The following AFG2A variants were observed in gnomAD, a reference collection of about 807,000 sequenced individuals.
The protein encoded by AFG2A is AAA ATPase AFG2A.
chr4:123,291,748 C>T, the AFG2A span, among the ~76,000 whole-genome samples: 1 of 152,142 alleles, frequency 6.6e-6, no homozygotes, highest in African/African-American at 2.4e-5. Flanking sequence ...ACAGGTTTTC[C>T]TTTATCTTTC....
chr4:123,127,984 A>T, the AFG2A span, among the ~76,000 whole-genome samples: 2 of 152,162 alleles, frequency 1.3e-5, no homozygotes, highest in African/African-American at 4.8e-5. Context: ...AGTGTTTAAC[A>T]TATACTGATG....
chr4:123,270,012 T>A, the AFG2A span, among the ~76,000 whole-genome samples: 1 of 152,168 alleles, frequency 6.6e-6, no homozygotes, highest in African/African-American at 2.4e-5. Context: ...AGATGTGGTT[T>A]CACCATGTTG....
the AFG2A span, among the ~76,000 whole-genome samples, chr4:123,055,520 AG>A: frequency 6.6e-6 from 1 of 152,218 alleles, no homozygotes; most frequent in Admixed American, 6.5e-5. Context: ...ACATTCTGCT[AG>A]GGTTTGCCTT....
At chr4:123,046,906 C>T in the AFG2A span, among the ~76,000 whole-genome samples, 1 of 152,124 alleles carries the variant, frequency 6.6e-6, no homozygotes, top group Non-Finnish European at 1.5e-5. Context: ...CTTTTCTGTG[C>T]CTAGCTTATT....
At chr4:123,225,450 C>G in the AFG2A span, among the ~76,000 whole-genome samples, 3 of 152,126 alleles carry the variant, frequency 2.0e-5, no homozygotes, top group African/African-American at 7.2e-5. Flanking sequence ...TTTCCCAGCA[C>G]CATTTATTAA....
chr4:123,143,852 T>A, the AFG2A span, among the ~76,000 whole-genome samples: 1 of 149,608 alleles, frequency 6.7e-6, no homozygotes, highest in East Asian at 2.0e-4. Context: ...TTTTTTCCTT[T>A]AACCTGAAAG....
chr4:123,013,561 A>G, the AFG2A span, among the ~76,000 whole-genome samples: 1 of 152,222 alleles, frequency 6.6e-6, no homozygotes, highest in Non-Finnish European at 1.5e-5. Flanking sequence ...ACACATGGAC[A>G]CAGGGAGGGA....
chr4:123,099,240 T>C, the AFG2A span, among the ~76,000 whole-genome samples: 1 of 151,944 alleles, frequency 6.6e-6, no homozygotes, highest in Non-Finnish European at 1.5e-5. Flanking sequence ...TAAATTTTGG[T>C]ATTTTAGATT....
the AFG2A span, among the ~76,000 whole-genome samples, chr4:123,105,930 C>CA: frequency 6.6e-6 from 1 of 152,220 alleles, no homozygotes; most frequent in South Asian, 2.1e-4. Context: ...GTTGTTAAAA[C>CA]AGCAGGGTTT....
chr4:123,266,756 A>G, the AFG2A span, among the ~76,000 whole-genome samples: 1 of 151,940 alleles, frequency 6.6e-6, no homozygotes, highest in South Asian at 2.1e-4. Context: ...CCTGTGTAAT[A>G]TCCCTATTTC....
chr4:123,210,710 G>A, the AFG2A span, among the ~76,000 whole-genome samples: 1 of 152,104 alleles, frequency 6.6e-6, no homozygotes, highest in Non-Finnish European at 1.5e-5. Context: ...ATACCCAGCA[G>A]TGGGTTTGCT....
At chr4:123,185,220 G>T in the AFG2A span, among the ~76,000 whole-genome samples, 7 of 151,920 alleles carry the variant, frequency 4.6e-5, no homozygotes, top group Admixed American at 4.6e-4. Flanking sequence ...CTGAGTTGGT[G>T]CTGTACCTGT....
chr4:123,204,460 A>T, the AFG2A span, among the ~76,000 whole-genome samples: 47 of 152,292 alleles, frequency 3.1e-4, no homozygotes, highest in Middle Eastern at 3.4e-3. Context: ...ATGGTTAATG[A>T]TGTTGAACTT....
chr4:122,994,822 A>C, the AFG2A span, among the ~76,000 whole-genome samples: 1 of 152,190 alleles, frequency 6.6e-6, no homozygotes, highest in Non-Finnish European at 1.5e-5. Context: ...AATTGAGTGT[A>C]TACCACATAT....
At chr4:123,217,378 C>A in the AFG2A span, among the ~76,000 whole-genome samples, 9 of 152,132 alleles carry the variant, frequency 5.9e-5, no homozygotes, top group Non-Finnish European at 1.0e-4. Flanking sequence ...GCATGATGAT[C>A]TAAAGGAGTA....
chr4:122,970,813 A>G, the AFG2A span, among the ~76,000 whole-genome samples: 1 of 151,750 alleles, frequency 6.6e-6, no homozygotes, highest in Non-Finnish European at 1.5e-5. Flanking sequence ...TAAGCAACGC[A>G]TGTCTGTATC....
chr4:123,053,572 G>A, the AFG2A span, among the ~76,000 whole-genome samples: 1 of 152,156 alleles, frequency 6.6e-6, no homozygotes, highest in Non-Finnish European at 1.5e-5. Flanking sequence ...GTAACAGGGG[G>A]GTCTGGTACT....
At chr4:122,948,019 A>G in the AFG2A span, among the ~76,000 whole-genome samples, 5 of 152,142 alleles carry the variant, frequency 3.3e-5, no homozygotes, top group South Asian at 2.1e-4. Flanking sequence ...CATATAATGC[A>G]TATAAAAAAT....
the AFG2A span, among the ~76,000 whole-genome samples, chr4:123,274,213 G>T: frequency 6.6e-6 from 1 of 152,016 alleles, no homozygotes; most frequent in Non-Finnish European, 1.5e-5. Flanking sequence ...TGGCTTTGTA[G>T]TTCAGTGTTA....
Sources: allele counts gnomAD v4.1 joint callset (sites outside exome capture counted in the v4.1 genomes callset), GRCh38; gene constraint gnomAD v4.1.1; transcripts MANE v1.5; gene names NCBI Gene and HGNC (gene_info 2026-07-23, HGNC 2026-07-21).